PIGL: variants seen among roughly 807,000 people sequenced by gnomAD.
The protein encoded by PIGL is N-acetylglucosaminyl-phosphatidylinositol de-N-acetylase.
A neutral mutation model predicts 31.1 loss-of-function variants in PIGL; 22 were observed. The observed-to-expected ratio is 0.71, with a 90% CI of 0.51 to 1.01. The LOEUF (loss-of-function observed/expected upper bound fraction) is 1.01. Ranked by LOEUF, PIGL falls within the 50% of genes least tolerant of loss-of-function variation. The pLI is 0.00. For missense variants in PIGL, 302 were observed against 315.9 expected (o/e 0.96, Z 0.33); for synonymous variants, 131 against 117.4 (o/e 1.12, Z -0.75).
chr17:16,286,631 C>T (rs1214214532), intron 2 of PIGL, among the ~76,000 whole-genome samples: 2 of 152,114 alleles, frequency 1.3e-5, no homozygotes, highest in African/African-American at 4.8e-5. Context: ...GAGTTTGGGG[C>T]CTTTTCCAGA....
intron 2 of PIGL, among the ~76,000 whole-genome samples, chr17:16,292,146 T>C (rs1452967242): frequency 6.7e-6 from 1 of 149,396 alleles, no homozygotes; most frequent in Non-Finnish European, 1.5e-5. Context: ...GCGATCTTCC[T>C]GCCTCAGCCT....
intron 2 of PIGL, among the ~76,000 whole-genome samples, chr17:16,248,898 A>C (rs528129950): frequency 1.1e-4 from 16 of 152,286 alleles, no homozygotes; most frequent in African/African-American, 3.1e-4. Flanking sequence ...AAGGTCTGGC[A>C]GGGTTGGTTT....
intron 2 of PIGL, among the ~76,000 whole-genome samples, chr17:16,290,465 T>C (rs1170858706): frequency 6.6e-6 from 1 of 150,592 alleles, no homozygotes; most frequent in Non-Finnish European, 1.5e-5. Context: ...GTGGTTATGG[T>C]TCACTGCAGT....
chr17:16,316,736 G>C, intron 5 of PIGL, 24 bp downstream of exon 5: 4 of 1,609,364 alleles, frequency 2.5e-6, no homozygotes, highest in Non-Finnish European at 3.4e-6. Context: ...CTTTTGCAAA[G>C]GGCCACAAGA....
chr17:16,287,919 C>T (rs1382765299), intron 2 of PIGL, among the ~76,000 whole-genome samples: 1 of 152,166 alleles, frequency 6.6e-6, no homozygotes, highest in East Asian at 1.9e-4. Context: ...GGCCTTTAGG[C>T]TTCTCTAATT....
At chr17:16,251,600 A>G (rs1335163846) in intron 2 of PIGL, among the ~76,000 whole-genome samples, 1 of 151,524 alleles carries the variant, frequency 6.6e-6, no homozygotes, top group African/African-American at 2.4e-5. Context: ...CTAGTTCTCA[A>G]GAAAAGAAGG....
At chr17:16,276,689 A>G (rs1056931393) in intron 2 of PIGL, among the ~76,000 whole-genome samples, 3 of 152,228 alleles carry the variant, frequency 2.0e-5, no homozygotes, top group African/African-American at 7.2e-5. Context: ...GTAAGGCACA[A>G]TTGTGCCACT....
chr17:16,224,811 C>A (rs892592435), intron 1 of PIGL, among the ~76,000 whole-genome samples: 1 of 152,144 alleles, frequency 6.6e-6, no homozygotes, highest in African/African-American at 2.4e-5. Flanking sequence ...CATGTGCCAC[C>A]ATGCCCGGCT....
chr17:16,317,880 T>C lies in PIGL; in HGVS notation c.632T>C (p.Leu211Pro), dbSNP rs757408824. The change falls in exon 6 of 7, where the codon CTC becomes CCC. Residue 211 changes from leucine (L) to proline (P), a missense_variant. Transcript: ENST00000225609. The stretch of plus-strand genomic sequence containing the variant: ...CATACGCAGGATGTCCTCTTCGTGC[T>C]CAACAGCAAAGAAGTGGCACAGGCC... ...LLHTQDVLFV[L>P]NSKEVAQAKK... The C allele has an allele frequency of 9.3e-6, 15 of 1,613,708 alleles. No individual in the cohort carries two copies. The Admixed American group carries it at 1.8e-4, about 20-fold the overall frequency.
chr17:16,277,206 AT>A (rs2092899573), intron 2 of PIGL, among the ~76,000 whole-genome samples: 1 of 152,204 alleles, frequency 6.6e-6, no homozygotes, highest in Admixed American at 6.5e-5. Context: ...GTCAAGTTTG[AT>A]TCCTTAAAGG....
intron 2 of PIGL, among the ~76,000 whole-genome samples, chr17:16,240,950 A>C (rs1459640688): frequency 6.6e-6 from 1 of 151,604 alleles, no homozygotes; most frequent in Non-Finnish European, 1.5e-5. Flanking sequence ...CCCGGTCTCT[A>C]CTAAAAATAC....
At chr17:16,321,376 G>A (rs2093105289) in intron 6 of PIGL, among the ~76,000 whole-genome samples, 1 of 151,930 alleles carries the variant, frequency 6.6e-6, no homozygotes, top group Non-Finnish European at 1.5e-5. Context: ...GAGTAGCTGG[G>A]ATTACAGGCA....
intron 2 of PIGL, among the ~76,000 whole-genome samples, chr17:16,249,189 C>A (rs1447898746): frequency 6.6e-6 from 1 of 152,146 alleles, no homozygotes; most frequent in African/African-American, 2.4e-5. Flanking sequence ...AAAATGTACA[C>A]CATTCTGGCT....
At chr17:16,320,247 A>AG in intron 6 of PIGL, among the ~76,000 whole-genome samples, 1 of 57,240 alleles carries the variant, frequency 1.7e-5, no homozygotes, top group Non-Finnish European at 3.6e-5. Context: ...GGAAGGAAGG[A>AG]AGGAAAGGAG....
At chr17:16,238,442 T>C (rs1403853458) in intron 2 of PIGL, among the ~76,000 whole-genome samples, 3 of 147,394 alleles carry the variant, frequency 2.0e-5, no homozygotes, top group Non-Finnish European at 4.5e-5. Context: ...TTTTTCTTTT[T>C]TTTTTTTTTT....
chr17:16,254,782 T>A (rs1333033965), intron 2 of PIGL, among the ~76,000 whole-genome samples: 1 of 151,970 alleles, frequency 6.6e-6, no homozygotes, highest in Non-Finnish European at 1.5e-5. Context: ...TTTTTTGTAT[T>A]TTTAGTAGAA....
intron 2 of PIGL, among the ~76,000 whole-genome samples, chr17:16,252,727 T>C (rs1443587256): frequency 6.6e-6 from 1 of 152,194 alleles, no homozygotes; most frequent in East Asian, 1.9e-4. Context: ...ATTTTGATAA[T>C]ATTTTATTTG....
At chr17:16,222,076 CAAGTCATTCA>C (rs1433306240) in intron 1 of PIGL, among the ~76,000 whole-genome samples, 4 of 152,208 alleles carry the variant, frequency 2.6e-5, no homozygotes, top group African/African-American at 9.6e-5. Context: ...CTTAAATTCA[CAAGTCATTCA>C]AACGTGTGGA....
rs144021544 is a variant in PIGL, at chr17:16,322,912, T to G, written c.661-2888T>G. 5.2e-4 allele frequency among the ~76,000 whole-genome samples: 79 copies of G among 152,324 alleles called. No individual in the cohort carries two copies. The East Asian group carries it at 0.014, about 27-fold the overall frequency. On this transcript the variant is annotated intron_variant, in intron 6 of 6. Coordinates refer to ENST00000225609, the MANE Select transcript of PIGL (RefSeq NM_004278.4). ...AGCCTCTAAGGATGATGCTGAGTGC[T>G]GTCTTGCATTCCTAAGCACAAGAGG...
Sources: gnomAD v4.1 joint callset for allele counts (sites outside exome capture counted in the v4.1 genomes callset) on GRCh38, gnomAD v4.1.1 for gene constraint, MANE v1.5 for transcripts, NCBI Gene and HGNC (gene_info 2026-07-23, HGNC 2026-07-21) for gene names.